The following PIGX variants were observed in gnomAD, a reference collection of about 807,000 sequenced individuals.
The protein encoded by PIGX is GPI alpha-1,4-mannosyltransferase I, stabilizing subunit.
Under a neutral mutation model 28.7 loss-of-function variants are expected in PIGX, and 24 were observed. That is an observed-to-expected ratio of 0.84 (90% CI 0.60 to 1.17). The LOEUF (loss-of-function observed/expected upper bound fraction) is 1.17, where lower values mean the gene tolerates loss of function less well. Among genes scored for constraint, PIGX ranks in the 50% most tolerant of loss-of-function variants. The pLI is 0.00. For missense variants in PIGX, 305 were observed against 317.8 expected, an observed-to-expected ratio of 0.96 and a Z score of 0.31; for synonymous variants, 127 against 121.0, an observed-to-expected ratio of 1.05 and a Z score of -0.33.
At position 196,728,066 on chromosome 3, in the gene PIGX, G is replaced by A. The variant is rs755356731; in HGVS notation, c.462G>A (p.Arg154=). 6.2e-7 allele frequency: 1 copy of A among 1,614,096 alleles called. No individual in the cohort carries two copies. The highest frequency in any genetic ancestry group is 2.2e-5 in the East Asian group (1 of 44,884). Residue 154 remains arginine, a synonymous_variant, in exon 4 of 6, where the codon CGG becomes CGA. Transcript: ENST00000392391. ...TGCCTGTGCACTGCCGCTATCATCG[G>A]CCGCACAGTGAAGATGGAGAAGCCT...
chr3:196,725,883 A>T (rs1028784198), intron 3 of PIGX, among the ~76,000 whole-genome samples: 21 of 152,190 alleles, frequency 1.4e-4, no homozygotes, highest in Non-Finnish European at 2.8e-4. Context: ...AATCTTAAAA[A>T]CAAAACCTTA....
At chr3:196,716,972 T>C in intron 2 of PIGX, 51 bp downstream of exon 2, 1 of 1,107,858 alleles carries the variant, frequency 9.0e-7, no homozygotes. Context: ...GTCATATAAT[T>C]GAGAGCAAAA....
At chr3:196,724,524 G>T (rs547898085) in intron 3 of PIGX, among the ~76,000 whole-genome samples, 1 of 152,138 alleles carries the variant, frequency 6.6e-6, no homozygotes, top group African/African-American at 2.4e-5. Flanking sequence ...TCTTTGGATG[G>T]GGATGAGATT....
chr3:196,730,845 A>G, intron 4 of PIGX, 147 bp from the exon 5 acceptor site: 1 of 389,952 alleles, frequency 2.6e-6, no homozygotes, highest in African/African-American at 2.1e-5. Flanking sequence ...AAAGGATGCT[A>G]AAATAACAGA....
chr3:196,728,904 G>T, intron 4 of PIGX: 1 of 546,154 alleles, frequency 1.8e-6, no homozygotes, highest in South Asian at 2.5e-5. Flanking sequence ...TTGATGTTTT[G>T]TTTCTACTTG....
intron 3 of PIGX, among the ~76,000 whole-genome samples, chr3:196,723,709 G>T (rs1279587499): frequency 6.6e-6 from 1 of 151,228 alleles, no homozygotes; most frequent in Admixed American, 6.6e-5. Context: ...CACTGTCTTA[G>T]TTGATAAGAT....
chr3:196,716,102 C>G (rs920542872), intron 1 of PIGX, among the ~76,000 whole-genome samples: 2 of 152,108 alleles, frequency 1.3e-5, no homozygotes, highest in African/African-American at 4.8e-5. Flanking sequence ...AGCCCCCATC[C>G]CCTGGGTTCA....
intron 1 of PIGX, among the ~76,000 whole-genome samples, chr3:196,714,866 A>G (rs1712024698): frequency 6.6e-6 from 1 of 152,126 alleles, no homozygotes; most frequent in Non-Finnish European, 1.5e-5. Flanking sequence ...TCACCAGGTC[A>G]GGAGATCGAG....
At chr3:196,729,059 C>T (rs914156031) in intron 4 of PIGX, among the ~76,000 whole-genome samples, 1 of 152,046 alleles carries the variant, frequency 6.6e-6, no homozygotes, top group African/African-American at 2.4e-5. Flanking sequence ...TGCTGCCGGG[C>T]GAGGTGGCTC....
intron 1 of PIGX, chr3:196,712,888 T>A: frequency 1.9e-6 from 2 of 1,066,598 alleles, no homozygotes; most frequent in Non-Finnish European, 2.3e-6. Flanking sequence ...CTGGCCGCCC[T>A]GTTACTAAAG....
At chr3:196,721,238 CT>C in intron 2 of PIGX, 14 of 342,042 alleles carry the variant, frequency 4.1e-5, no homozygotes, top group South Asian at 1.4e-4. Context: ...GAGGCGGTTC[CT>C]TTTTTCTCCC....
chr3:196,728,672 C>T (rs1374576324), intron 4 of PIGX: 2 of 766,376 alleles, frequency 2.6e-6, no homozygotes, highest in Admixed American at 1.7e-5. Flanking sequence ...TCATGTTCCT[C>T]ATACTTCTTT....
At chr3:196,721,549 C>T (rs1712323757) in intron 2 of PIGX, among the ~76,000 whole-genome samples, 1 of 151,880 alleles carries the variant, frequency 6.6e-6, no homozygotes, top group Admixed American at 6.6e-5. Context: ...GATTCTCCTA[C>T]CACACCCTCC....
intron 1 of PIGX, among the ~76,000 whole-genome samples, chr3:196,715,082 A>C (rs942114461): frequency 6.6e-6 from 1 of 152,036 alleles, no homozygotes; most frequent in African/African-American, 2.4e-5. Flanking sequence ...CTCAAAAAAT[A>C]AATAAATAAA....
intron 4 of PIGX, among the ~76,000 whole-genome samples, chr3:196,730,791 G>A (rs1227816041): frequency 6.9e-6 from 1 of 145,446 alleles, no homozygotes; most frequent in Non-Finnish European, 1.5e-5. Flanking sequence ...TTCAACTTTT[G>A]CAATACTTTT....
intron 3 of PIGX, chr3:196,726,770 A>C: frequency 2.2e-6 from 1 of 444,818 alleles, no homozygotes; most frequent in Non-Finnish European, 4.5e-6. Context: ...TAAATGTTAT[A>C]GGTTAGTACA....
rs2049234 is a variant in PIGX, at chr3:196,725,080, C to T, written c.318+2524C>T. ...CAAGGATAAGGCAGATCAAATAAACCTCATTTCACTTTTTTAGGTAGGGTT... is the reference window on the plus strand; with the variant it reads ...CAAGGATAAGGCAGATCAAATAAACTTCATTTCACTTTTTTAGGTAGGGTT... On this transcript the variant is annotated intron_variant, in intron 3 of 5. Transcript: ENST00000392391. Among the ~76,000 whole-genome samples the T allele has an allele frequency of 8.1e-3, 1,229 of 152,258 alleles. 12 individuals carry two copies. Among genetic ancestry groups the T allele is most frequent in the African/African-American group, 0.028 (1,175 of 41,544 alleles).
chr3:196,720,711 A>T (rs935418916), intron 2 of PIGX, among the ~76,000 whole-genome samples: 1 of 151,586 alleles, frequency 6.6e-6, no homozygotes, highest in Non-Finnish European at 1.5e-5. Context: ...CATGAGAAAG[A>T]AGTCTTTTAT....
chr3:196,713,334 C>T lies in PIGX; in HGVS notation c.112+690C>T, dbSNP rs1254298503. On this transcript the variant is annotated intron_variant, in intron 1 of 5. Coordinates refer to ENST00000392391, the MANE Select transcript of PIGX (RefSeq NM_017861.4). Reference sequence around the variant, plus strand: ...ATTTTTTTTTTGAGATGGAGTCTCACTCTGTTGCCAGGCTGGAGTGCAATG... The same window carrying T: ...ATTTTTTTTTTGAGATGGAGTCTCATTCTGTTGCCAGGCTGGAGTGCAATG... Among the ~76,000 whole-genome samples, 3 of 151,304 alleles carry T rather than the reference C, an allele frequency of 2.0e-5. No individual in the cohort carries two copies. The East Asian group carries it at 5.8e-4, about 29-fold the overall frequency.
Sources: gnomAD v4.1 joint callset for allele counts (sites outside exome capture counted in the v4.1 genomes callset) on GRCh38, gnomAD v4.1.1 for gene constraint, MANE v1.5 for transcripts, NCBI Gene and HGNC (gene_info 2026-07-23, HGNC 2026-07-21) for gene names.